Variants in ZNF432 observed in about 807,000 individuals in gnomAD.
ZNF432 encodes zinc finger protein 432.
A neutral mutation model predicts 13.9 loss-of-function variants in ZNF432; 10 were observed. That is an observed-to-expected ratio of 0.72 (90% confidence interval 0.44 to 1.22). The LOEUF is 1.22. Ranked by LOEUF, ZNF432 falls within the 50% of genes most tolerant of loss-of-function variation. The pLI, the probability that ZNF432 is intolerant of heterozygous loss-of-function variation, is 0.00. For missense variants in ZNF432, 793 were observed against 796.2 expected, an observed-to-expected ratio of 1.00 and a Z score of 0.05; for synonymous variants, 247 against 256.2, an observed-to-expected ratio of 0.96 and a Z score of 0.34.
At chr19:52,042,810 C>T (rs1476611212) in intron 2 of ZNF432, among the ~76,000 whole-genome samples, 1 of 152,114 alleles carries the variant, frequency 6.6e-6, no homozygotes, top group Non-Finnish European at 1.5e-5. Context: ...CAGACTGAAA[C>T]TATTGAACAT....
rs1427610752 is a variant in ZNF432, at chr19:52,033,206, C to T, written c.*514G>A. The T allele has an allele frequency of 6.5e-6, 1 of 153,770 alleles. No individual in the cohort carries two copies. The highest frequency in any genetic ancestry group is 1.4e-5 in the Non-Finnish European group (1 of 69,106). 9.5% of individuals were successfully genotyped at this position (153,770 alleles called of 1,614,324 possible). On this transcript the variant is annotated 3_prime_UTR_variant, in exon 5 of 5. Transcript: ENST00000221315. Reference sequence around the variant, plus strand: ...TAATCACCGAAGGCACTAGTGCATTCTCTGCATTCATTAAAATTCGCTCCT... The same window carrying T: ...TAATCACCGAAGGCACTAGTGCATTTTCTGCATTCATTAAAATTCGCTCCT...
At chr19:52,041,422 A>C (rs2087135306) in intron 3 of ZNF432, 58 bp downstream of exon 3, 1 of 1,518,430 alleles carries the variant, frequency 6.6e-7, no homozygotes, top group Non-Finnish European at 8.8e-7. Flanking sequence ...TAAGCAACTG[A>C]GAAAGCAAAG....
At chr19:52,045,614 A>G (rs1600055770) in intron 2 of ZNF432, among the ~76,000 whole-genome samples, 1 of 151,068 alleles carries the variant, frequency 6.6e-6, no homozygotes, top group Non-Finnish European at 1.5e-5. Flanking sequence ...GTTGGCCTCC[A>G]AAAGTGCTGG....
rs962100068 is a variant in ZNF432, at chr19:52,033,488, ACTCT to A, written c.*228_*231del. The A allele has an allele frequency of 1.7e-5, 8 of 475,970 alleles. No individual in the cohort carries two copies. Among genetic ancestry groups the A allele is most frequent in the Non-Finnish European group, 3.6e-6 (1 of 275,350 alleles). 29.5% of individuals were successfully genotyped at this position (475,970 alleles called of 1,614,324 possible). On this transcript the variant is annotated 3_prime_UTR_variant, in exon 5 of 5. Coordinates refer to ENST00000221315, the MANE Select transcript of ZNF432 (RefSeq NM_014650.4). ...ATGAAAGGTTACCCCCAATCCACAG[ACTCT>A]CTCTCAGATGAGTAATTTTCTATAC...
rs2087018125 is a variant in ZNF432, at chr19:52,031,950, T to C, written c.*1770A>G. ...GAGGCGGGGTTGCAGTGAGCCAAGA[T>C]CGTGCTATTACACTCCAACCTGGGC... On this transcript the variant is annotated 3_prime_UTR_variant, in exon 5 of 5. Transcript: ENST00000221315. 6.6e-6 allele frequency: 1 copy of C among 152,176 alleles called. No individual in the cohort carries two copies. The highest frequency in any genetic ancestry group is 2.4e-5 in the African/African-American group (1 of 41,436). The allele number at this position is 152,176 out of a possible 1,614,324, so 9.4% of individuals were successfully genotyped here.
At chr19:52,040,443 C>T (rs2087122865) in intron 4 of ZNF432, 45 bp downstream of exon 4, 2 of 1,555,590 alleles carry the variant, frequency 1.3e-6, no homozygotes, top group Non-Finnish European at 1.8e-6. Context: ...AGCCTTCTTT[C>T]ACTGACTATA....
At position 52,047,047 on chromosome 19, in the gene ZNF432, CCAGGA is replaced by C; in HGVS notation, c.-184_-180del. 1.6e-6 allele frequency: 1 copy of C among 615,358 alleles called. No homozygotes were observed. Among genetic ancestry groups the C allele is most frequent in the Non-Finnish European group, 2.7e-6 (1 of 367,974 alleles). 38.1% of individuals were successfully genotyped at this position (615,358 alleles called of 1,614,324 possible). Reference sequence around the variant, plus strand: ...TACTTCTTGTCTCTTCCCAGGGTAGCCAGGACCTGTGGACTGAAGAGCAAAACAAC... The same window carrying C: ...TACTTCTTGTCTCTTCCCAGGGTAGCCCTGTGGACTGAAGAGCAAAACAAC... On this transcript the variant is annotated 5_prime_UTR_variant, in exon 2 of 5. It introduces an in-frame stop codon into an upstream open reading frame of the 5' UTR. Coordinates refer to ENST00000221315, the MANE Select transcript of ZNF432 (RefSeq NM_014650.4).
At chr19:52,036,652 T>C (rs2087083762) in intron 4 of ZNF432, among the ~76,000 whole-genome samples, 1 of 151,958 alleles carries the variant, frequency 6.6e-6, no homozygotes, top group Non-Finnish European at 1.5e-5. Context: ...TACATACATA[T>C]TATTTGAGAA....
Position 52,035,337 on chromosome 19 carries a change from G to A in ZNF432, c.342C>T (p.Ala114=), listed in dbSNP as rs773498958. The A allele has an allele frequency of 4.3e-6, 7 of 1,612,564 alleles. No homozygotes were observed. The highest frequency in any genetic ancestry group is 2.2e-5 in the East Asian group (1 of 44,850). ...AAAGACAAAGGCTTTTGGTTTGAGA[G>A]GCAGTATTTCCAAATGCATTATGTT... ...YHEHNAFGNT[A]SQTKSLCLFR... is the part of the protein sequence containing the mutation. The change falls in exon 5 of 5, where the codon GCC becomes GCT. Residue 114 remains alanine, a synonymous_variant. Transcript: ENST00000221315.
chr19:52,040,580 T>C lies in ZNF432; in HGVS notation c.146A>G (p.Tyr49Cys), dbSNP rs150096497. ...GAGTGCATCTGGTTTGCTGACTTGA[T>C]AACCTGTTTACGGGAAATAATAGAA... ...EIYSNLLSMG[Y>C]QVSKPDALSK... The change falls in exon 4 of 5, where the codon TAT becomes TGT. Residue 49 changes from tyrosine to cysteine, a missense_variant. Tyr to Cys is a radical substitution (Grantham distance 194). Transcript: ENST00000221315. The C allele has an allele frequency of 3.2e-5, 51 of 1,613,754 alleles. No homozygotes were observed. Among genetic ancestry groups the C allele is most frequent in the Middle Eastern group, 1.6e-4 (1 of 6,084 alleles).
Position 52,047,057 on chromosome 19 carries a change from T to G in ZNF432, c.-189A>C. On this transcript the variant is annotated 5_prime_UTR_variant, in exon 2 of 5. Coordinates refer to ENST00000221315, the MANE Select transcript of ZNF432 (RefSeq NM_014650.4). Reference sequence around the variant, plus strand: ...CTCTTCCCAGGGTAGCCAGGACCTGTGGACTGAAGAGCAAAACAACTTTCA... The same window carrying G: ...CTCTTCCCAGGGTAGCCAGGACCTGGGGACTGAAGAGCAAAACAACTTTCA... 1.8e-6 allele frequency: 1 copy of G among 545,250 alleles called. No individual in the cohort carries two copies. The highest frequency in any genetic ancestry group is 3.2e-6 in the Non-Finnish European group (1 of 316,448). The allele number at this position is 545,250 out of a possible 1,614,324, so 33.8% of individuals were successfully genotyped here. A position where few individuals can be genotyped will look rare whatever the true frequency, so the allele number is the denominator to read the frequency against.
chr19:52,033,987 T>G lies in ZNF432; in HGVS notation c.1692A>C (p.Thr564=). 1 of 1,614,166 alleles carries G rather than the reference T, an allele frequency of 6.2e-7. No homozygotes were observed. Among genetic ancestry groups the G allele is most frequent in the East Asian group, 2.2e-5 (1 of 44,876 alleles). Residue 564 remains threonine, a synonymous_variant, in exon 5 of 5, where the codon ACA becomes ACC. Transcript: ENST00000221315. ...CACTACATATACAAGATTTCTCTTC[T>G]GTATGAATTTGCTGATGTACAATGA... ...RYLIVHQQIH[T]EEKSCICSEC...
intron 3 of ZNF432, 61 bp from the exon 4 acceptor site, chr19:52,040,644 G>T: frequency 7.4e-7 from 1 of 1,356,344 alleles, no homozygotes; most frequent in Non-Finnish European, 1.1e-6. Context: ...TGTAATGTGA[G>T]AGAATGTTAC....
In ZNF432 at chr19:52,034,596, G is replaced by T; in HGVS notation, c.1083C>A (p.Ile361=). The T allele has an allele frequency of 6.2e-7, 1 of 1,611,560 alleles. No individual in the cohort carries two copies. The highest frequency in any genetic ancestry group is 2.2e-5 in the East Asian group (1 of 44,626). ...GKGFTTKHYV[I]IHQRNHTGEK... The stretch of plus-strand genomic sequence containing the variant: ...CTCCTGTATGATTTCGTTGATGTAT[G>T]ATGACATAGTGTTTTGTGGTGAAGC... Residue 361 remains isoleucine (I), a synonymous_variant, in exon 5 of 5, where the codon ATC becomes ATA. Coordinates refer to ENST00000221315, the MANE Select transcript of ZNF432 (RefSeq NM_014650.4).
In ZNF432 at chr19:52,033,030, A is replaced by G. The variant is rs901091104; in HGVS notation, c.*690T>C. 5 of 152,218 alleles carry G rather than the reference A, an allele frequency of 3.3e-5. No homozygotes were observed. The highest frequency in any genetic ancestry group is 1.2e-4 in the African/African-American group (5 of 41,444). The allele number at this position is 152,218 out of a possible 1,614,324, so 9.4% of individuals were successfully genotyped here. A position where few individuals can be genotyped will look rare whatever the true frequency, so the allele number is the denominator to read the frequency against. ...GAAGAGATAGGGTCTTTCTTCCCAT[A>G]GAAGGCTTTCCTAGCCTACTCCTTT... On this transcript the variant is annotated 3_prime_UTR_variant, in exon 5 of 5. Coordinates refer to ENST00000221315, the MANE Select transcript of ZNF432 (RefSeq NM_014650.4).
chr19:52,044,355 T>C (rs1460439902), intron 2 of ZNF432, among the ~76,000 whole-genome samples: 2 of 151,440 alleles, frequency 1.3e-5, no homozygotes, highest in Non-Finnish European at 2.9e-5. Flanking sequence ...AAATACGAAA[T>C]ATATTCATGT....
rs1427792867 is a variant in ZNF432 at position 52,032,240 on chromosome 19, T to C, written c.*1480A>G. On this transcript the variant is annotated 3_prime_UTR_variant, in exon 5 of 5. Transcript: ENST00000221315. ...AAAAAAATAAATTTGGGGCCTATAA[T>C]ATGTAAGAACTAATAAATAACACCA... The C allele has an allele frequency of 6.6e-6, 1 of 152,080 alleles. No homozygotes were observed. The highest frequency in any genetic ancestry group is 1.5e-5 in the Non-Finnish European group (1 of 68,012). The allele number at this position is 152,080 out of a possible 1,614,324, so 9.4% of individuals were successfully genotyped here.
chr19:52,046,197 C>T (rs2087181201), intron 2 of ZNF432, among the ~76,000 whole-genome samples: 1 of 151,976 alleles, frequency 6.6e-6, no homozygotes, highest in Admixed American at 6.6e-5. Flanking sequence ...CAGACAACTC[C>T]CTAATGCCAA....
chr19:52,040,459 A>G, intron 4 of ZNF432, 29 bp downstream of exon 4: 3 of 1,585,564 alleles, frequency 1.9e-6, no homozygotes, highest in Non-Finnish European at 2.6e-6. Flanking sequence ...CTATAATATT[A>G]CTTACGCATC....
Sources: gnomAD v4.1 joint callset for allele counts (sites outside exome capture counted in the v4.1 genomes callset) on GRCh38, gnomAD v4.1.1 for gene constraint, MANE v1.5 for transcripts, NCBI Gene and HGNC (gene_info 2026-07-23, HGNC 2026-07-21) for gene names.